Variants in TMC7 observed in about 807,000 individuals in gnomAD.
The protein encoded by TMC7 is transmembrane channel-like protein 7.
A neutral mutation model predicts 82.9 loss-of-function variants in TMC7; 54 were observed. That is an observed-to-expected ratio of 0.65 (90% CI 0.52 to 0.82). The LOEUF is 0.82. TMC7 is among the 40% of genes least tolerant of loss of function. The probability of loss-of-function intolerance (pLI) is 0.00; values close to 1 mark genes in which losing one functional copy is unlikely to be tolerated. For synonymous variants in TMC7, 350 were observed against 337.9 expected (o/e 1.04, Z -0.39); for missense variants, 820 against 901.2 (o/e 0.91, Z 1.15).
intron 5 of TMC7, among the ~76,000 whole-genome samples, chr16:19,029,743 T>G (rs1256520341): frequency 6.6e-6 from 1 of 151,166 alleles, no homozygotes; most frequent in Non-Finnish European, 1.5e-5. Flanking sequence ...TTCAGTGTTA[T>G]GATCTCAGCT....
intron 5 of TMC7, among the ~76,000 whole-genome samples, chr16:19,028,198 CCATCCAAGGAGGTGTTTGAGGTGTT>C (rs1291170277): frequency 2.0e-5 from 3 of 152,034 alleles, no homozygotes; most frequent in Admixed American, 1.3e-4. Flanking sequence ...AGTTTTCCTG[CCATCCAAGGAGGTGTTTGAGGTGTT>C]CAATCATTCC....
At position 19,051,680 on chromosome 16, in the gene TMC7, TTGTAGTGGAGTC is replaced by T; in HGVS notation, c.1741-3_1749del. ...TCTTAATTTTTCTTTCTTTTTCTCC[TTGTAGTGGAGTC>T]TGCTTTACACCTGCAGACCCTCCCC... On this transcript the variant is annotated splice_acceptor_variant and splice_polypyrimidine_tract_variant and coding_sequence_variant and intron_variant, in exon 13 of 16. Coordinates refer to ENST00000304381, the MANE Select transcript of TMC7 (RefSeq NM_024847.4). LOFTEE classifies it high-confidence loss of function. The T allele has an allele frequency of 6.2e-7, 1 of 1,613,648 alleles. No individual in the cohort carries two copies. Among genetic ancestry groups the T allele is most frequent in the Non-Finnish European group, 8.5e-7 (1 of 1,179,690 alleles).
chr16:19,004,792 G>A (rs907717308), intron 1 of TMC7, among the ~76,000 whole-genome samples: 1 of 152,150 alleles, frequency 6.6e-6, no homozygotes, highest in Non-Finnish European at 1.5e-5. Context: ...CTTACTGTGT[G>A]AGCAAGCAAC....
intron 8 of TMC7, among the ~76,000 whole-genome samples, chr16:19,039,060 A>G (rs1485619990): frequency 6.7e-6 from 1 of 148,618 alleles, no homozygotes; most frequent in Non-Finnish European, 1.5e-5. Context: ...TGCCCTCCCT[A>G]GGATATGGTT....
chr16:18,991,597 A>T (rs933166579), intron 1 of TMC7, among the ~76,000 whole-genome samples: 1 of 152,050 alleles, frequency 6.6e-6, no homozygotes, highest in African/African-American at 2.4e-5. Flanking sequence ...TTATTTTTTT[A>T]AATTATACTT....
chr16:19,049,487 C>CTTTTTGG (rs1961427159), intron 12 of TMC7: 1 of 292,214 alleles, frequency 3.4e-6, no homozygotes, highest in African/African-American at 2.2e-5. Context: ...AACCGTTCTA[C>CTTTTTGG]CTGGATGTTT....
At chr16:19,012,895 C>T (rs558696243) in intron 2 of TMC7, among the ~76,000 whole-genome samples, 16 of 149,938 alleles carry the variant, frequency 1.1e-4, no homozygotes, top group Non-Finnish European at 2.1e-4. Context: ...CGGCTCACTG[C>T]AACCTCCCTG....
At chr16:19,013,757 G>A (rs1959514522) in intron 2 of TMC7, among the ~76,000 whole-genome samples, 1 of 151,672 alleles carries the variant, frequency 6.6e-6, no homozygotes, top group Admixed American at 6.6e-5. Flanking sequence ...AGCCTCAGGT[G>A]ATCCATCTGC....
intron 8 of TMC7, among the ~76,000 whole-genome samples, 155 bp downstream of exon 8, chr16:19,038,202 T>C (rs960913437): frequency 2.0e-5 from 3 of 152,156 alleles, no homozygotes; most frequent in Admixed American, 6.6e-5. Context: ...TCCACTTTTT[T>C]ATTTTTTTTT....
intron 4 of TMC7, among the ~76,000 whole-genome samples, chr16:19,022,670 A>T (rs9937539): frequency 1.3e-5 from 2 of 152,022 alleles, no homozygotes; most frequent in Admixed American, 6.6e-5. Flanking sequence ...CATATTTATC[A>T]GACTGTATCC....
chr16:19,059,871 G>T (rs1245027804), intron 15 of TMC7: 1 of 510,772 alleles, frequency 2.0e-6, no homozygotes, highest in African/African-American at 1.9e-5. Context: ...CAGCTACTTG[G>T]GAGGCTGAGG....
At chr16:19,008,437 G>A (rs2039279036) in intron 1 of TMC7, among the ~76,000 whole-genome samples, 2 of 152,186 alleles carry the variant, frequency 1.3e-5, no homozygotes, top group South Asian at 4.1e-4. Context: ...GGTTAGCAGG[G>A]CGGTCAAGCT....
At chr16:19,000,322 C>T (rs1471840089) in intron 1 of TMC7, among the ~76,000 whole-genome samples, 2 of 151,924 alleles carry the variant, frequency 1.3e-5, no homozygotes, top group Non-Finnish European at 2.9e-5. Flanking sequence ...AAAAAATTAG[C>T]CGGGCGTGGT....
intron 1 of TMC7, among the ~76,000 whole-genome samples, chr16:18,995,260 A>G (rs1260042897): frequency 2.6e-5 from 4 of 152,136 alleles, no homozygotes; most frequent in Non-Finnish European, 1.5e-5. Flanking sequence ...GGCCCTTGAA[A>G]AGAGGGTAAT....
At chr16:19,001,936 C>T (rs2039148251) in intron 1 of TMC7, among the ~76,000 whole-genome samples, 1 of 152,140 alleles carries the variant, frequency 6.6e-6, no homozygotes, top group South Asian at 2.1e-4. Context: ...TACAAGGTCC[C>T]TTTTTACCCA....
At chr16:19,026,503 A>G (rs973762588) in intron 5 of TMC7, among the ~76,000 whole-genome samples, 3 of 151,764 alleles carry the variant, frequency 2.0e-5, no homozygotes, top group Non-Finnish European at 2.9e-5. Flanking sequence ...AAGCAAAGTT[A>G]GGATCAAATC....
intron 1 of TMC7, among the ~76,000 whole-genome samples, chr16:18,988,627 A>G (rs1474858798): frequency 6.6e-6 from 1 of 150,896 alleles, no homozygotes; most frequent in Non-Finnish European, 1.5e-5. Context: ...GAGTCTTGCT[A>G]TGTTGCCAGG....
intron 9 of TMC7, 138 bp from the exon 10 acceptor site, chr16:19,044,746 C>T (rs569467717): frequency 1.1e-4 from 63 of 578,806 alleles, no homozygotes; most frequent in South Asian, 2.1e-4. Context: ...CCAGCCTGGG[C>T]AACAGAGCAA....
In TMC7 at chr16:18,991,242, A is replaced by G. The variant is rs190061918; in HGVS notation, c.67+7112A>G. Among the ~76,000 whole-genome samples the G allele has an allele frequency of 4.7e-3, 717 of 152,278 alleles. 3 individuals carry two copies. Among genetic ancestry groups the G allele is most frequent in the South Asian group, 0.014 (67 of 4,830 alleles). The stretch of plus-strand genomic sequence containing the variant: ...GGTGATGGCCTGGATATGGTTTTGT[A>G]TGAATTGAGAAACTAAACAGAAGAC... On this transcript the variant is annotated intron_variant, in intron 1 of 15. Transcript: ENST00000304381.
Sources: gnomAD v4.1 joint callset for allele counts (sites outside exome capture counted in the v4.1 genomes callset) on GRCh38, gnomAD v4.1.1 for gene constraint, MANE v1.5 for transcripts, NCBI Gene and HGNC (gene_info 2026-07-23, HGNC 2026-07-21) for gene names.